TIAM2: variants seen among roughly 807,000 people sequenced by gnomAD.
The protein encoded by TIAM2 is TIAM Rac1 associated GEF 2, also known as rho guanine nucleotide exchange factor TIAM2.
Under a neutral mutation model 152.9 loss-of-function variants are expected in TIAM2, and 80 were observed. That is an observed-to-expected ratio of 0.52 (90% CI 0.44 to 0.63). TIAM2 has a LOEUF of 0.63. TIAM2 is among the 30% of genes least tolerant of loss of function. The pLI, the probability that TIAM2 is intolerant of heterozygous loss-of-function variation, is 0.00. For missense variants in TIAM2, 1,965 were observed against 2,120.1 expected (o/e 0.93, Z 1.44); for synonymous variants, 804 against 838.0 (o/e 0.96, Z 0.70).
rs200019932 is a variant in TIAM2, at chr6:155,082,666, CAATAAATAAATAAATA to C, written c.-208-7594_-208-7579del. 7.1e-5 allele frequency among the ~76,000 whole-genome samples: 10 copies of C among 141,376 alleles called. No homozygotes were observed. In the East Asian group the frequency reaches 8.6e-4, roughly 12 times the overall value. The allele number at this position is 141,376 out of a possible 152,430, so 92.7% of individuals were successfully genotyped here. On this transcript the variant is annotated intron_variant, in intron 1 of 26. Coordinates refer to ENST00000682666, the MANE Select transcript of TIAM2 (RefSeq NM_012454.4). ...ACTCCATCTCAACCCAAAAAAACCC[CAATAAATAAATAAATA>C]AATAAATAAATAAATAAATAAATAA...
At chr6:155,016,976 C>A (rs1021215875) in intron 1 of TIAM2, among the ~76,000 whole-genome samples, 3 of 152,022 alleles carry the variant, frequency 2.0e-5, no homozygotes, top group Non-Finnish European at 4.4e-5. Flanking sequence ...CATGAAGGGG[C>A]CTTGGAGTGG....
intron 14 of TIAM2, among the ~76,000 whole-genome samples, chr6:155,210,533 C>G (rs1781695499): frequency 6.6e-6 from 1 of 151,926 alleles, no homozygotes; most frequent in South Asian, 2.1e-4. Flanking sequence ...TATGTAGTCT[C>G]ACTATGTTGC....
At chr6:155,240,795 CCCAG>C in intron 16 of TIAM2, 86 bp downstream of exon 16, 4 of 1,376,714 alleles carry the variant, frequency 2.9e-6, no homozygotes, top group East Asian at 4.9e-5. Flanking sequence ...ATCACCTCTG[CCCAG>C]GACACCTGCC....
intron 1 of TIAM2, among the ~76,000 whole-genome samples, chr6:155,020,009 C>T (rs1211443972): frequency 3.3e-5 from 5 of 151,876 alleles, no homozygotes; most frequent in Admixed American, 2.6e-4. Context: ...GCCGAGATTG[C>T]GCCACTGCAC....
chr6:155,151,124 A>G (rs892536479), intron 7 of TIAM2, among the ~76,000 whole-genome samples: 1 of 152,214 alleles, frequency 6.6e-6, no homozygotes, highest in Non-Finnish European at 1.5e-5. Context: ...AGGCTGAAGC[A>G]TTCAGTCAAG....
rs1780962044 is a variant in TIAM2 at position 155,183,488 on chromosome 6, A to G, written c.3052A>G (p.Asn1018Asp). ...LEEFLDNFKK[N>D]TANDFSNVPD... ...GGAATTCCTGGATAACTTTAAAAAG[A>G]ATACAGCCAATGGTAAGGCTTTGTT... Residue 1018 changes from asparagine to aspartate, a missense_variant, in exon 14 of 27, where the codon AAT (asparagine) becomes GAT (aspartate). Around this residue, in one of 3 missense-constraint regions of TIAM2, gnomAD observed 935 missense variants for 980.0 expected, o/e 0.95. Coordinates refer to ENST00000682666, the MANE Select transcript of TIAM2 (RefSeq NM_012454.4). 1 of 1,612,592 alleles carries G rather than the reference A, an allele frequency of 6.2e-7. No homozygotes were observed. The highest frequency in any genetic ancestry group is 1.3e-5 in the African/African-American group (1 of 74,870).
chr6:155,249,989 C>G lies in TIAM2; in HGVS notation c.3951+20C>G, dbSNP rs949259465. On this transcript the variant is annotated intron_variant, in intron 21 of 26. Transcript: ENST00000682666. ...AAGGAGGTCCGTGAGACATCTGCAC[C>G]CTGGGAGCCTAGTGCATGTGGTGTG... 2 of 1,587,424 alleles carry G rather than the reference C, an allele frequency of 1.3e-6. No individual in the cohort carries two copies. The highest frequency in any genetic ancestry group is 1.7e-6 in the Non-Finnish European group (2 of 1,160,110).
At chr6:155,184,291 T>C (rs929424967) in intron 14 of TIAM2, among the ~76,000 whole-genome samples, 1 of 152,190 alleles carries the variant, frequency 6.6e-6, no homozygotes, top group Non-Finnish European at 1.5e-5. Flanking sequence ...GCCTGGCCAG[T>C]AAACAGCAAA....
intron 2 of TIAM2, among the ~76,000 whole-genome samples, chr6:155,104,619 T>C (rs993300549): frequency 6.6e-6 from 1 of 151,952 alleles, no homozygotes; most frequent in Non-Finnish European, 1.5e-5. Context: ...TAGCTGGGCG[T>C]GGTGGCGGGC....
intron 19 of TIAM2, 24 bp downstream of exon 19, chr6:155,245,755 G>GTTTGTT: frequency 9.8e-7 from 1 of 1,022,126 alleles, no homozygotes; most frequent in Non-Finnish European, 1.4e-6. Context: ...GCCTTTTATA[G>GTTTGTT]TTTTTTTTTT....
intron 14 of TIAM2, among the ~76,000 whole-genome samples, chr6:155,210,615 G>C (rs1235190851): frequency 6.6e-6 from 1 of 152,172 alleles, no homozygotes; most frequent in Non-Finnish European, 1.5e-5. Context: ...GAGATTACGG[G>C]CATGAGCCAC....
chr6:155,221,769 A>T lies in TIAM2; in HGVS notation c.3168+10462A>T, dbSNP rs180961795. Among the ~76,000 whole-genome samples, 227 of 152,212 alleles carry T rather than the reference A, an allele frequency of 1.5e-3. 1 individual carries two copies. The highest frequency in any genetic ancestry group is 4.3e-3 in the Admixed American group (66 of 15,288). On this transcript the variant is annotated intron_variant, in intron 15 of 26. Transcript: ENST00000682666. ...TCCATCTTCCCTCTCCATGCCCCTCAGCCCTCTATTTCCAGATCTTTATTT... is the reference window on the plus strand; with the variant it reads ...TCCATCTTCCCTCTCCATGCCCCTCTGCCCTCTATTTCCAGATCTTTATTT...
intron 23 of TIAM2, among the ~76,000 whole-genome samples, chr6:155,252,355 G>A (rs1211541744): frequency 6.6e-6 from 1 of 152,170 alleles, no homozygotes; most frequent in Admixed American, 6.5e-5. Context: ...TGTAGTCCCA[G>A]CTACTCGGGA....
chr6:155,114,036 A>ATATATATATATATATTTTTTT, intron 2 of TIAM2, among the ~76,000 whole-genome samples: 4 of 34,906 alleles, frequency 1.1e-4, no homozygotes, highest in Admixed American at 6.5e-4. Flanking sequence ...ATATATATAT[A>ATATATATATATATATTTTTTT]TTTTTTTTTT....
At chr6:155,078,870 C>G (rs1778006595) in intron 1 of TIAM2, among the ~76,000 whole-genome samples, 1 of 152,168 alleles carries the variant, frequency 6.6e-6, no homozygotes, top group African/African-American at 2.4e-5. Flanking sequence ...TTGTTTGCTT[C>G]TCCCTTTAAG....
At chr6:155,104,525 A>C (rs1778633628) in intron 2 of TIAM2, among the ~76,000 whole-genome samples, 1 of 152,156 alleles carries the variant, frequency 6.6e-6, no homozygotes, top group African/African-American at 2.4e-5. Flanking sequence ...TGGGAGGCCA[A>C]GGTGGGCAGA....
chr6:155,036,721 G>A (rs1393629705), intron 1 of TIAM2, among the ~76,000 whole-genome samples: 2 of 151,522 alleles, frequency 1.3e-5, no homozygotes, highest in South Asian at 2.1e-4. Flanking sequence ...AGGTTCAAGC[G>A]ATTCTCCTGC....
intron 4 of TIAM2, among the ~76,000 whole-genome samples, chr6:155,133,697 G>T (rs1215534441): frequency 6.6e-6 from 1 of 151,378 alleles, no homozygotes; most frequent in Non-Finnish European, 1.5e-5. Context: ...GAATCTTGCA[G>T]TGCATGTCTT....
intron 4 of TIAM2, among the ~76,000 whole-genome samples, chr6:155,135,139 T>C (rs574135936): frequency 3.9e-5 from 6 of 152,248 alleles, no homozygotes; most frequent in Non-Finnish European, 8.8e-5. Flanking sequence ...TAAATAAATA[T>C]GACTGGAGAT....
Sources: allele counts gnomAD v4.1 joint callset (sites outside exome capture counted in the v4.1 genomes callset), GRCh38; gene constraint gnomAD v4.1.1; regional missense constraint gnomAD v4.1.1; transcripts MANE v1.5; gene names NCBI Gene and HGNC (gene_info 2026-07-23, HGNC 2026-07-21).